Variants in KDM6A observed in about 807,000 individuals in gnomAD.
KDM6A encodes lysine-specific demethylase 6A.
In KDM6A, 11 loss-of-function variants were observed where a neutral mutation model predicts 117.6. The ratio of observed to expected loss-of-function variants is 0.09; its 90% CI spans 0.06 to 0.15. KDM6A has a LOEUF of 0.15. KDM6A is among the 10% of genes least tolerant of loss of function. The pLI, the probability that KDM6A is intolerant of heterozygous loss-of-function variation, is 1.00. For synonymous variants in KDM6A, 384 were observed against 396.1 expected, an observed-to-expected ratio of 0.97 and a Z score of 0.36; for missense variants, 799 against 1,077.3, an observed-to-expected ratio of 0.74 and a Z score of 3.62.
intron 3 of KDM6A, among the ~76,000 whole-genome samples, chrX:44,964,625 T>G (rs1370601927): frequency 9.0e-6 from 1 of 111,387 alleles, no homozygotes; most frequent in African/African-American, 3.3e-5. Flanking sequence ...GAAAGGAGTC[T>G]TTTTTTCTGA....
intron 18 of KDM6A, among the ~76,000 whole-genome samples, chrX:45,072,673 G>A (rs1471357247): frequency 9.2e-6 from 1 of 108,724 alleles, no homozygotes; most frequent in Non-Finnish European, 1.9e-5. Flanking sequence ...TGTAGACTCA[G>A]GACAGTTGCT....
At chrX:44,962,386 G>A (rs1001112733) in intron 3 of KDM6A, among the ~76,000 whole-genome samples, 4 of 111,736 alleles carry the variant, frequency 3.6e-5, no homozygotes, top group African/African-American at 9.8e-5. Context: ...ACATCGCTGA[G>A]TATCTGTTGT....
In KDM6A at chrX:45,035,995, G is replaced by A. The variant is rs184942526; in HGVS notation, c.619+1010G>A. Among the ~76,000 whole-genome samples, 53 of 111,937 alleles carry A rather than the reference G, an allele frequency of 4.7e-4. No individual in the cohort carries two copies. The East Asian group carries it at 0.012, about 25-fold the overall frequency. On this transcript the variant is annotated intron_variant, in intron 7 of 29. Transcript: ENST00000611820. ...ATTATAGGCGGGAGCCACCGCGCCC[G>A]TCCGAAAAATGAAATTTTTAATTGG... is the stretch of plus-strand genomic sequence containing the variant.
At chrX:44,873,802 G>C in intron 1 of KDM6A, 90 bp downstream of exon 1, 1 of 1,139,191 alleles carries the variant, frequency 8.8e-7, no homozygotes, top group Non-Finnish European at 1.2e-6. Flanking sequence ...TCTGGCGGCG[G>C]CGGGGCGGGC....
At chrX:44,942,189 C>G in intron 2 of KDM6A, among the ~76,000 whole-genome samples, 1 of 110,164 alleles carries the variant, frequency 9.1e-6, no homozygotes, top group Non-Finnish European at 1.9e-5. Context: ...TGCGCGCCAC[C>G]ACGCCCAGCT....
chrX:45,062,117 T>G (rs1443538295), intron 15 of KDM6A, among the ~76,000 whole-genome samples: 1 of 111,071 alleles, frequency 9.0e-6, no homozygotes, highest in Non-Finnish European at 1.9e-5. Flanking sequence ...TTTTTCTTCT[T>G]TTTTACACAA....
intron 6 of KDM6A, among the ~76,000 whole-genome samples, chrX:45,022,631 G>A (rs1330011985): frequency 8.9e-6 from 1 of 111,817 alleles, no homozygotes; most frequent in East Asian, 2.8e-4. Context: ...GGTAGGAATA[G>A]AAGGAATGAT....
At position 44,942,543 on chromosome X, in the gene KDM6A, T is replaced by C. The variant is rs377054576; in HGVS notation, c.226-18741T>C. Among the ~76,000 whole-genome samples, 9 of 110,466 alleles carry C rather than the reference T, an allele frequency of 8.1e-5. No individual in the cohort carries two copies. The East Asian group carries it at 2.6e-3, about 31-fold the overall frequency. ...TATTAAGTCTTGAAATTAGGTAATA[T>C]ATATCCTCTGACTTTGTTCTTTTTC... On this transcript the variant is annotated intron_variant, in intron 2 of 29. Transcript: ENST00000611820.
intron 4 of KDM6A, among the ~76,000 whole-genome samples, chrX:45,007,993 G>A (rs901215664): frequency 2.7e-5 from 3 of 111,909 alleles, no homozygotes; most frequent in East Asian, 2.8e-4. Flanking sequence ...TGATAGAGAC[G>A]TTGCAGTAAG....
At chrX:45,101,365 AGTT>A (rs1333692775) in intron 27 of KDM6A, among the ~76,000 whole-genome samples, 1 of 109,980 alleles carries the variant, frequency 9.1e-6, no homozygotes, top group Non-Finnish European at 1.9e-5. Context: ...AGTAAATGGT[AGTT>A]GTTGTAATTA....
At chrX:44,967,902 C>G (rs1036036843) in intron 3 of KDM6A, among the ~76,000 whole-genome samples, 2 of 112,354 alleles carry the variant, frequency 1.8e-5, no homozygotes, top group East Asian at 5.5e-4. Context: ...TGTCATGTCA[C>G]TTTATTTGGT....
chrX:44,897,817 C>T (rs937966360), intron 2 of KDM6A, among the ~76,000 whole-genome samples: 2 of 111,523 alleles, frequency 1.8e-5, no homozygotes, highest in Non-Finnish European at 3.8e-5. Flanking sequence ...AAGTAATCCG[C>T]TGCTTCAGCC....
In KDM6A at chrX:45,068,423, G is replaced by A. The variant is rs59716171; in HGVS notation, c.2080-1156G>A. 7.5e-3 allele frequency among the ~76,000 whole-genome samples: 832 copies of A among 110,216 alleles called. 14 individuals carry two copies. Among genetic ancestry groups the A allele is most frequent in the African/African-American group, 0.026 (796 of 30,267 alleles). On this transcript the variant is annotated intron_variant, in intron 17 of 29. Coordinates refer to ENST00000611820, the MANE Select transcript of KDM6A (RefSeq NM_001291415.2). ...TCTAGTCTTAAAACTTCTATTAACT[G>A]TTAGTATACTGCCCCCTCAGATTGC...
At chrX:44,994,512 A>G (rs763056985) in intron 4 of KDM6A, among the ~76,000 whole-genome samples, 42 of 112,415 alleles carry the variant, frequency 3.7e-4, no homozygotes, top group Middle Eastern at 4.6e-3. Context: ...TTATCCTTCA[A>G]TGGATACTTT....
intron 24 of KDM6A, 40 bp downstream of exon 24, chrX:45,083,648 A>G (rs1414398248): frequency 9.0e-7 from 1 of 1,110,317 alleles, no homozygotes; most frequent in South Asian, 1.9e-5. Context: ...AAAATGGAAA[A>G]CAAAATCAAA....
chrX:44,876,287 A>G (rs1445265244), intron 2 of KDM6A, among the ~76,000 whole-genome samples: 1 of 111,542 alleles, frequency 9.0e-6, no homozygotes, highest in Admixed American at 9.6e-5. Flanking sequence ...TGGGGTGTGT[A>G]ATGTAAAGCC....
At chrX:45,073,241 G>A (rs1258575409) in intron 18 of KDM6A, among the ~76,000 whole-genome samples, 2 of 111,796 alleles carry the variant, frequency 1.8e-5, no homozygotes, top group Non-Finnish European at 1.9e-5. Flanking sequence ...CATGGTGTAT[G>A]TGTGCTGCAT....
At chrX:44,938,203 C>A (rs2037089832) in intron 2 of KDM6A, among the ~76,000 whole-genome samples, 1 of 111,753 alleles carries the variant, frequency 8.9e-6, no homozygotes, top group Middle Eastern at 4.7e-3. Flanking sequence ...CAAGCCATCC[C>A]CTTGCCTTGG....
At chrX:45,016,453 TTATGTATGTATG>T (rs35987184) in intron 5 of KDM6A, among the ~76,000 whole-genome samples, 11,874 of 98,570 alleles carry the variant, frequency 0.12, 835 homozygotes, top group African/African-American at 0.27. Flanking sequence ...TGATTTTATT[TTATGTATGTATG>T]TATGTATGTA....
Sources: allele counts gnomAD v4.1 joint callset (sites outside exome capture counted in the v4.1 genomes callset), GRCh38; gene constraint gnomAD v4.1.1; transcripts MANE v1.5; gene names NCBI Gene and HGNC (gene_info 2026-07-23, HGNC 2026-07-21).